SPATA6: variants seen among roughly 807,000 people sequenced by gnomAD.
SPATA6 encodes spermatogenesis-associated protein 6.
SPATA6 carries 56 observed loss-of-function variants against 65.3 expected under a neutral mutation model. The ratio of observed to expected loss-of-function variants is 0.86; its 90% CI spans 0.69 to 1.07. The LOEUF is 1.07. SPATA6 is among the 50% of genes least tolerant of loss of function. The pLI, the probability that SPATA6 is intolerant of heterozygous loss-of-function variation, is 0.00. For synonymous variants in SPATA6, 199 were observed against 213.2 expected, an observed-to-expected ratio of 0.93 and a Z score of 0.58; for missense variants, 590 against 594.8, an observed-to-expected ratio of 0.99 and a Z score of 0.08.
At chr1:48,299,704 TGA>T (rs1418242035) in intron 12 of SPATA6, among the ~76,000 whole-genome samples, 1 of 152,028 alleles carries the variant, frequency 6.6e-6, no homozygotes, top group Non-Finnish European at 1.5e-5. Context: ...TTATTAAATA[TGA>T]GACACTAAAC....
At chr1:48,357,769 T>C (rs1466122242) in intron 10 of SPATA6, among the ~76,000 whole-genome samples, 2 of 152,168 alleles carry the variant, frequency 1.3e-5, no homozygotes, top group Non-Finnish European at 2.9e-5. Flanking sequence ...GTAGTACGTC[T>C]TAGACATTTT....
chr1:48,368,077 A>G (rs991234782), intron 9 of SPATA6, among the ~76,000 whole-genome samples: 3 of 152,098 alleles, frequency 2.0e-5, no homozygotes, highest in African/African-American at 7.2e-5. Flanking sequence ...CTGGATATGA[A>G]ATTCTGGGTT....
chr1:48,318,923 TA>T (rs1409541565), intron 11 of SPATA6, among the ~76,000 whole-genome samples: 1 of 152,168 alleles, frequency 6.6e-6, no homozygotes, highest in Non-Finnish European at 1.5e-5. Flanking sequence ...GACAGATATA[TA>T]GATCAATGAA....
At chr1:48,334,333 A>G (rs114016207) in intron 11 of SPATA6, among the ~76,000 whole-genome samples, 10,089 of 152,062 alleles carry the variant, frequency 0.066, 424 homozygotes, top group Non-Finnish European at 0.093. Context: ...ACAAAAAAAA[A>G]AGAAAACTTC....
chr1:48,379,919 G>A (rs1391385448), intron 9 of SPATA6, among the ~76,000 whole-genome samples: 1 of 152,132 alleles, frequency 6.6e-6, no homozygotes, highest in Non-Finnish European at 1.5e-5. Context: ...TTAAAAAATT[G>A]TGAAAATAAA....
chr1:48,370,744 A>C (rs1249487159), intron 9 of SPATA6, among the ~76,000 whole-genome samples: 2 of 152,224 alleles, frequency 1.3e-5, no homozygotes, highest in African/African-American at 2.4e-5. Flanking sequence ...AAATAAAAGC[A>C]AAATCAAACA....
At chr1:48,284,037 T>C in the SPATA6 span, among the ~76,000 whole-genome samples, 6 of 152,118 alleles carry the variant, frequency 3.9e-5, no homozygotes, top group Non-Finnish European at 8.8e-5. Flanking sequence ...TCAACTTGGT[T>C]CCATTCTCCC....
intron 3 of SPATA6, among the ~76,000 whole-genome samples, chr1:48,451,062 A>G (rs1354167442): frequency 6.6e-6 from 1 of 152,212 alleles, no homozygotes; most frequent in East Asian, 1.9e-4. Context: ...TTTACTTGTT[A>G]TGCAGAGCCT....
chr1:48,367,003 T>G (rs1227498025), intron 9 of SPATA6, among the ~76,000 whole-genome samples: 1 of 152,220 alleles, frequency 6.6e-6, no homozygotes, highest in East Asian at 1.9e-4. Context: ...GTGTCTTTGT[T>G]CTCGTTGGTT....
intron 3 of SPATA6, 38 bp downstream of exon 3, chr1:48,451,514 T>C: frequency 3.8e-6 from 6 of 1,572,416 alleles, no homozygotes; most frequent in Non-Finnish European, 5.2e-6. Context: ...AATCCTAAAA[T>C]GTCTTAGAAT....
chr1:48,321,272 T>A (rs1338593936), intron 11 of SPATA6, among the ~76,000 whole-genome samples: 1 of 152,146 alleles, frequency 6.6e-6, no homozygotes, highest in Non-Finnish European at 1.5e-5. Context: ...AACAATTTCT[T>A]GCCTACAAGA....
Position 48,445,435 on chromosome 1 carries a change from G to A in SPATA6, c.238+6117C>T, listed in dbSNP as rs150895610. ...TCCCAGCACTTTGGGAGGCCAAGGC[G>A]GGTGAATCACGAGGTCAGATCGAGA... On this transcript the variant is annotated intron_variant, in intron 3 of 12. Coordinates refer to ENST00000371847, the MANE Select transcript of SPATA6 (RefSeq NM_019073.4). Among the ~76,000 whole-genome samples the A allele has an allele frequency of 1.1e-3, 161 of 152,062 alleles. 1 individual carries two copies. The highest frequency in any genetic ancestry group is 3.7e-3 in the African/African-American group (152 of 41,474).
chr1:48,363,840 G>A (rs1646901697), intron 9 of SPATA6, among the ~76,000 whole-genome samples: 1 of 150,938 alleles, frequency 6.6e-6, no homozygotes, highest in Admixed American at 6.6e-5. Context: ...TAGGGTACAT[G>A]TGCACAATGT....
chr1:48,412,167 T>C (rs1227777972), intron 4 of SPATA6, among the ~76,000 whole-genome samples: 1 of 152,176 alleles, frequency 6.6e-6, no homozygotes, highest in African/African-American at 2.4e-5. Flanking sequence ...GCCAGCACTC[T>C]ATTTTTCACA....
At chr1:48,346,428 CCT>C (rs1348455130) in intron 11 of SPATA6, among the ~76,000 whole-genome samples, 2 of 152,042 alleles carry the variant, frequency 1.3e-5, no homozygotes, top group Non-Finnish European at 1.5e-5. Context: ...GACAAGATGA[CCT>C]CTCTCATCAC....
At chr1:48,374,594 C>T (rs545421385) in intron 9 of SPATA6, among the ~76,000 whole-genome samples, 2 of 152,280 alleles carry the variant, frequency 1.3e-5, no homozygotes, top group Admixed American at 1.3e-4. Context: ...TCCCATAAAT[C>T]ATTTACCTGA....
chr1:48,340,729 A>G (rs1646192680), intron 11 of SPATA6, among the ~76,000 whole-genome samples: 1 of 152,052 alleles, frequency 6.6e-6, no homozygotes, highest in South Asian at 2.1e-4. Context: ...AAGTAAATCA[A>G]AAGAAAAGTT....
chr1:48,279,609 A>T, the SPATA6 span, among the ~76,000 whole-genome samples: 23 of 152,336 alleles, frequency 1.5e-4, no homozygotes, highest in Admixed American at 4.6e-4. Flanking sequence ...TGGTAAAGGG[A>T]TCAATTCAAC....
chr1:48,359,150 A>C (rs1646738867), intron 10 of SPATA6, among the ~76,000 whole-genome samples: 1 of 152,166 alleles, frequency 6.6e-6, no homozygotes, highest in African/African-American at 2.4e-5. Flanking sequence ...CATGATTAAG[A>C]TGCTCTTAGG....
Sources: allele counts gnomAD v4.1 joint callset (sites outside exome capture counted in the v4.1 genomes callset), GRCh38; gene constraint gnomAD v4.1.1; transcripts MANE v1.5; gene names NCBI Gene and HGNC (gene_info 2026-07-23, HGNC 2026-07-21).